LNPEP: variants seen among roughly 807,000 people sequenced by gnomAD.
The protein encoded by LNPEP is leucyl-cystinyl aminopeptidase.
LNPEP carries 64 observed loss-of-function variants against 120.6 expected under a neutral mutation model. The observed-to-expected ratio is 0.53, with a 90% CI of 0.43 to 0.65. The LOEUF (loss-of-function observed/expected upper bound fraction) is 0.65, where lower values mean the gene tolerates loss of function less well. Among genes scored for constraint, LNPEP ranks in the 30% least tolerant of loss-of-function variants. The pLI is 0.00. For synonymous variants in LNPEP, 435 were observed against 425.4 expected (o/e 1.02, Z -0.28); for missense variants, 1,057 against 1,200.0 (o/e 0.88, Z 1.76).
In LNPEP at chr5:97,036,522, T is replaced by C. The variant is rs1413886496; in HGVS notation, c.*7989T>C. ...TATCACACTGTCTCCTCATCTACCA[T>C]ATGGTAAATGTTAAAACTCCACATT... On this transcript the variant is annotated 3_prime_UTR_variant, in exon 18 of 18. Coordinates refer to ENST00000231368, the MANE Select transcript of LNPEP (RefSeq NM_005575.3). The C allele has an allele frequency of 1.3e-5, 2 of 152,148 alleles. No homozygotes were observed. The highest frequency in any genetic ancestry group is 6.6e-5 in the Admixed American group (1 of 15,258). 9.4% of individuals were successfully genotyped at this position (152,148 alleles called of 1,614,324 possible).
At chr5:96,995,031 C>G (rs1474634025) in intron 6 of LNPEP, among the ~76,000 whole-genome samples, 2 of 152,116 alleles carry the variant, frequency 1.3e-5, no homozygotes, top group Non-Finnish European at 2.9e-5. Context: ...TCACTTGAAC[C>G]CAGGAGGCAG....
intron 1 of LNPEP, among the ~76,000 whole-genome samples, chr5:96,956,418 T>C (rs1184318970): frequency 6.6e-6 from 1 of 152,202 alleles, no homozygotes. Context: ...CTCCAGAGGC[T>C]GAGGCAGGAG....
intron 6 of LNPEP, among the ~76,000 whole-genome samples, chr5:96,994,597 A>G (rs1023631077): frequency 1.3e-5 from 2 of 152,056 alleles, no homozygotes; most frequent in Non-Finnish European, 2.9e-5. Flanking sequence ...ATGGGTACAT[A>G]ACACCCCCAT....
chr5:96,950,396 A>C (rs1789294303), intron 1 of LNPEP, among the ~76,000 whole-genome samples: 1 of 152,198 alleles, frequency 6.6e-6, no homozygotes, highest in Admixed American at 6.5e-5. Context: ...CCACAAAAAC[A>C]ATTCCCAAGC....
chr5:96,980,080 T>TA, intron 2 of LNPEP, 102 bp downstream of exon 2: 1 of 1,142,460 alleles, frequency 8.8e-7, no homozygotes, highest in South Asian at 1.6e-5. Flanking sequence ...TTTTTTTTTT[T>TA]AATTTAGGAA....
At chr5:96,964,733 G>T (rs1308895763) in intron 1 of LNPEP, among the ~76,000 whole-genome samples, 1 of 152,082 alleles carries the variant, frequency 6.6e-6, no homozygotes, top group African/African-American at 2.4e-5. Flanking sequence ...GACGAGGCAT[G>T]ATTTTAAGAA....
chr5:97,029,966 A>G lies in LNPEP; in HGVS notation c.*1433A>G, dbSNP rs1791437131. Reference sequence around the variant, plus strand: ...TCTTGAGAACTTTATATTTTGTTTGAAAACAGTTTCTATGTACATAAAAAG... The same window carrying G: ...TCTTGAGAACTTTATATTTTGTTTGGAAACAGTTTCTATGTACATAAAAAG... On this transcript the variant is annotated 3_prime_UTR_variant, in exon 18 of 18. Transcript: ENST00000231368. 6.6e-6 allele frequency: 1 copy of G among 152,078 alleles called. No individual in the cohort carries two copies. The highest frequency in any genetic ancestry group is 2.1e-4 in the South Asian group (1 of 4,828). The allele number at this position is 152,078 out of a possible 1,614,324, so 9.4% of individuals were successfully genotyped here. A position where few individuals can be genotyped will look rare whatever the true frequency, so the allele number is the denominator to read the frequency against.
chr5:96,945,020 G>A (rs1789152245), intron 1 of LNPEP, among the ~76,000 whole-genome samples: 1 of 152,112 alleles, frequency 6.6e-6, no homozygotes, highest in Admixed American at 6.5e-5. Flanking sequence ...CCTCCAGGTA[G>A]CAGGCTTTCA....
At chr5:96,976,838 G>A (rs1280663365) in intron 1 of LNPEP, among the ~76,000 whole-genome samples, 1 of 151,442 alleles carries the variant, frequency 6.6e-6, no homozygotes, top group Admixed American at 6.6e-5. Context: ...AGTTTTAAAA[G>A]CAATTTTAAA....
chr5:97,028,266 A>G (rs956417598), intron 17 of LNPEP, 136 bp from the exon 18 acceptor site: 5 of 762,344 alleles, frequency 6.6e-6, no homozygotes, highest in Non-Finnish European at 1.1e-5. Flanking sequence ...TACCTTGAAT[A>G]TTAAAGTACT....
chr5:96,943,338 G>C (rs1279967419), intron 1 of LNPEP, among the ~76,000 whole-genome samples: 1 of 152,148 alleles, frequency 6.6e-6, no homozygotes, highest in African/African-American at 2.4e-5. Context: ...TGCTTGGCTG[G>C]AGTGCAGTGG....
chr5:96,987,941 T>G (rs921657425), intron 4 of LNPEP, among the ~76,000 whole-genome samples: 4 of 152,230 alleles, frequency 2.6e-5, no homozygotes, highest in African/African-American at 9.6e-5. Context: ...GCTTCAAGAC[T>G]CAGCTGAATA....
intron 9 of LNPEP, among the ~76,000 whole-genome samples, chr5:97,005,468 T>C (rs1405614226): frequency 6.6e-6 from 1 of 152,176 alleles, no homozygotes. Context: ...AGAAGGGCTG[T>C]GACCACTAAA....
rs3076561 is a variant in LNPEP at position 96,971,345 on chromosome 5, T to TTGTGTGTG, written c.20-7761_20-7754dup. Among the ~76,000 whole-genome samples, 571 of 142,904 alleles carry TTGTGTGTG rather than the reference T, an allele frequency of 4.0e-3. 6 individuals are homozygous for TTGTGTGTG. The highest frequency in any genetic ancestry group is 0.012 in the African/African-American group (469 of 38,436). The allele number at this position is 142,904 out of a possible 152,430, so 93.8% of individuals were successfully genotyped here. On this transcript the variant is annotated intron_variant, in intron 1 of 17. Transcript: ENST00000231368. ...CATGATGTGCTTAAGACATTATTATTTGTGTGTGTGTGTGTGTGTGTGTGT... is the reference window on the plus strand; with the variant it reads ...CATGATGTGCTTAAGACATTATTATTTGTGTGTGTGTGTGTGTGTGTGTGTGTGTGTGT...
At chr5:97,026,799 T>A in intron 16 of LNPEP, 42 bp downstream of exon 16, 1 of 1,553,150 alleles carries the variant, frequency 6.4e-7, no homozygotes, top group Non-Finnish European at 8.8e-7. Flanking sequence ...TATTCTCAAG[T>A]TGTGCATTTG....
Position 96,979,642 on chromosome 5 carries a change from T to G in LNPEP, c.524T>G (p.Leu175Arg). The G allele has an allele frequency of 6.2e-7, 1 of 1,614,120 alleles. No individual in the cohort carries two copies. The highest frequency in any genetic ancestry group is 8.5e-7 in the Non-Finnish European group (1 of 1,179,972). The change falls in exon 2 of 18, where the codon CTA becomes CGA. Residue 175 changes from leucine to arginine, a missense_variant. Physicochemically the swap from Leu to Arg is moderately radical, Grantham distance 102. Transcript: ENST00000231368. ...AGGCTTCCCACTGCCGTTGTGCCAC[T>G]ACGCTATGAACTCAGCCTACACCCG... ...QIRLPTAVVP[L>R]RYELSLHPNL...
intron 1 of LNPEP, among the ~76,000 whole-genome samples, chr5:96,960,503 A>T (rs1239438272): frequency 6.6e-6 from 1 of 152,194 alleles, no homozygotes; most frequent in Non-Finnish European, 1.5e-5. Context: ...AATTGGTCAC[A>T]TTCTAGGGTG....
chr5:96,950,449 T>C (rs1789295036), intron 1 of LNPEP, among the ~76,000 whole-genome samples: 1 of 152,130 alleles, frequency 6.6e-6, no homozygotes. Flanking sequence ...TAATATACCA[T>C]AGAGTTGGTG....
At chr5:96,954,205 A>G (rs1789386766) in intron 1 of LNPEP, among the ~76,000 whole-genome samples, 1 of 152,214 alleles carries the variant, frequency 6.6e-6, no homozygotes, top group Non-Finnish European at 1.5e-5. Flanking sequence ...ACATATGGTA[A>G]TCTGTGATCA....
Sources: allele counts gnomAD v4.1 joint callset (sites outside exome capture counted in the v4.1 genomes callset), GRCh38; gene constraint gnomAD v4.1.1; transcripts MANE v1.5; gene names NCBI Gene and HGNC (gene_info 2026-07-23, HGNC 2026-07-21).